The following MLLT6 variants were observed in gnomAD, a reference collection of about 807,000 sequenced individuals.
MLLT6 encodes protein AF-17.
Under a neutral mutation model 103.0 loss-of-function variants are expected in MLLT6, and 22 were observed. The ratio of observed to expected loss-of-function variants is 0.21; its 90% CI spans 0.15 to 0.31. MLLT6 has a LOEUF of 0.31. Ranked by LOEUF, MLLT6 falls within the 10% of genes least tolerant of loss-of-function variation. MLLT6 has a pLI of 1.00. For synonymous variants in MLLT6, 606 were observed against 623.5 expected (o/e 0.97, Z 0.42); for missense variants, 1,199 against 1,441.7 (o/e 0.83, Z 2.73).
In MLLT6 at chr17:38,724,589, T is replaced by C. The variant is rs752636535; in HGVS notation, c.2884-31T>C. 8 of 1,528,026 alleles carry C rather than the reference T, an allele frequency of 5.2e-6. No homozygotes were observed. In the South Asian group the frequency reaches 1.0e-4, roughly 19 times the overall value. The allele number at this position is 1,528,026 out of a possible 1,614,324, so 94.7% of individuals were successfully genotyped here. On this transcript the variant is annotated intron_variant, in intron 18 of 19. Coordinates refer to ENST00000621332, the MANE Select transcript of MLLT6 (RefSeq NM_005937.4). This position sits in a 1 kb window ranked among gnomAD's most constrained non-coding sequence, Gnocchi z 5.4. ...AGCAGGGAAGAGACCCCCGGGACTG[T>C]TGGCCAACAAGCGGTCTGGCCCCCT...
chr17:38,724,505 C>G lies in MLLT6; in HGVS notation c.2884-115C>G. 1 of 738,638 alleles carries G rather than the reference C, an allele frequency of 1.4e-6. No homozygotes were observed. Among genetic ancestry groups the G allele is most frequent in the Non-Finnish European group, 2.2e-6 (1 of 451,654 alleles). 45.8% of individuals were successfully genotyped at this position (738,638 alleles called of 1,614,324 possible). The stretch of plus-strand genomic sequence containing the variant: ...ACAGTACCTTGACTGTCTCACAGGC[C>G]TCTTGCCTCCTGATTCCAGTGTGAT... On this transcript the variant is annotated intron_variant, in intron 18 of 19. Coordinates refer to ENST00000621332, the MANE Select transcript of MLLT6 (RefSeq NM_005937.4). The surrounding 1 kb of genome is among the most constrained non-coding windows in gnomAD (Gnocchi z 5.4).
At chr17:38,719,928 C>G in intron 14 of MLLT6, 33 bp downstream of exon 14, 1 of 1,536,642 alleles carries the variant, frequency 6.5e-7, no homozygotes, top group Non-Finnish European at 8.8e-7. Context: ...GGGACGCCTG[C>G]CCTAGGGCCC....
chr17:38,716,583 G>C lies in MLLT6; in HGVS notation c.1253G>C (p.Arg418Pro), dbSNP rs761658702. ...TCCACCACCACCTCCAGCTCAGGCC[G>C]GGCCCGGGCGCCCTCCCCTGGGGAC... ...RFSTTTSSSG[R>P]ARAPSPGDYK... Residue 418 changes from arginine (R) to proline (P), a missense_variant, in exon 10 of 20, where the codon CGG becomes CCG. Coordinates refer to ENST00000621332, the MANE Select transcript of MLLT6 (RefSeq NM_005937.4). This position sits in a 1 kb window ranked among gnomAD's most constrained non-coding sequence, Gnocchi z 5.6. 5 of 1,614,046 alleles carry C rather than the reference G, an allele frequency of 3.1e-6. No homozygotes were observed. The highest frequency in any genetic ancestry group is 2.5e-6 in the Non-Finnish European group (3 of 1,180,028).
At chr17:38,725,315 C>T (rs1219496424) in intron 19 of MLLT6, 1 of 548,974 alleles carries the variant, frequency 1.8e-6, no homozygotes, top group Non-Finnish European at 3.2e-6. Context: ...GGCCCTCTCC[C>T]TCTCCTGAGG....
intron 3 of MLLT6, 86 bp downstream of exon 3, chr17:38,707,626 C>G: frequency 2.1e-6 from 3 of 1,439,242 alleles, no homozygotes. Context: ...GGGTGGAGGC[C>G]GGGTTTCCTT....
chr17:38,723,265 T>C (rs1905856674), intron 18 of MLLT6, among the ~76,000 whole-genome samples: 1 of 152,158 alleles, frequency 6.6e-6, no homozygotes, highest in African/African-American at 2.4e-5. Flanking sequence ...CACGGAAGAC[T>C]GAGGCAGGCA....
chr17:38,722,716 A>T lies in MLLT6; in HGVS notation c.2831A>T (p.Glu944Val). The change falls in exon 18 of 20, where the codon GAG becomes GTG. Residue 944 changes from glutamate to valine, a missense_variant. Physicochemically the swap from Glu to Val is moderately radical, Grantham distance 121 (BLOSUM62 -2). Transcript: ENST00000621332. ...EQQRHLLQQQ[E>V]QQLQQLQQLL... is the part of the protein sequence containing the mutation. ...CAGAGACATCTCCTTCAGCAGCAAG[A>T]GCAGCAGCTCCAGCAACTCCAGCAG... 6.7e-7 allele frequency: 1 copy of T among 1,487,548 alleles called. No homozygotes were observed. The highest frequency in any genetic ancestry group is 9.1e-7 in the Non-Finnish European group (1 of 1,100,936). The allele number at this position is 1,487,548 out of a possible 1,614,324, so 92.1% of individuals were successfully genotyped here.
Position 38,715,794 on chromosome 17 carries a change from T to C in MLLT6, c.1002T>C (p.Ser334=), listed in dbSNP as rs1483785143. ...CCGCCTCCTCTTCTTCCTCCTCCTC[T>C]TCCTCCTCCTCTGGGGGGCCCTTCC... ...FTSASSSSSS[S]SSSSGGPFQP... is the part of the protein sequence containing the mutation. The change falls in exon 9 of 20, where the codon TCT becomes TCC. Residue 334 remains serine (S), a synonymous_variant. Transcript: ENST00000621332. The C allele has an allele frequency of 1.2e-6, 2 of 1,607,238 alleles. No homozygotes were observed. Among genetic ancestry groups the C allele is most frequent in the African/African-American group, 2.7e-5 (2 of 74,822 alleles).
intron 19 of MLLT6, 62 bp downstream of exon 19, chr17:38,725,038 C>T: frequency 1.7e-6 from 2 of 1,206,612 alleles, no homozygotes; most frequent in Non-Finnish European, 2.3e-6. Context: ...GATGGATTGT[C>T]AGAAGGCTTA....
rs369528342 is a variant in MLLT6 at position 38,721,913 on chromosome 17, G to A, written c.2478G>A (p.Ser826=). Residue 826 remains serine (S), a synonymous_variant, in exon 17 of 20, where the codon TCG becomes TCA. Transcript: ENST00000621332. ...CAGGCTGCCCGAGCCGCAGCAGCTC[G>A]TCGCTGTCCTTCCACAGCACGCCCC... ...PHSGCPSRSS[S]SLSFHSTPPP... 43 of 1,573,872 alleles carry A rather than the reference G, an allele frequency of 2.7e-5. No homozygotes were observed. Among genetic ancestry groups the A allele is most frequent in the South Asian group, 1.5e-4 (13 of 87,728 alleles).
rs369195696 is a variant in MLLT6 at position 38,712,929 on chromosome 17, C to G, written c.819+140C>G. 501 of 751,036 alleles carry G rather than the reference C, an allele frequency of 6.7e-4. 1 individual carries two copies. The highest frequency in any genetic ancestry group is 9.4e-4 in the Non-Finnish European group (379 of 401,058). The allele number at this position is 751,036 out of a possible 1,614,324, so 46.5% of individuals were successfully genotyped here. ...AGTTAATGCCACTCCCCTCCTACCCCATACCCTCTACTCCTTCTTCCAGCC... is the reference window on the plus strand; with the variant it reads ...AGTTAATGCCACTCCCCTCCTACCCGATACCCTCTACTCCTTCTTCCAGCC... On this transcript the variant is annotated intron_variant, in intron 8 of 19. Coordinates refer to ENST00000621332, the MANE Select transcript of MLLT6 (RefSeq NM_005937.4).
intron 14 of MLLT6, 151 bp downstream of exon 14, chr17:38,720,046 G>A (rs1021808221): frequency 3.4e-6 from 4 of 1,165,164 alleles, no homozygotes; most frequent in Admixed American, 2.8e-5. Flanking sequence ...TCCCATCCCT[G>A]CCAGGCCACA....
chr17:38,717,778 C>A, intron 11 of MLLT6, 67 bp from the exon 12 acceptor site: 1 of 1,444,508 alleles, frequency 6.9e-7, no homozygotes, highest in Non-Finnish European at 9.7e-7. Flanking sequence ...CCCCCTGCAC[C>A]CCGGTACACA....
rs1905374339 is a variant in MLLT6, at chr17:38,716,910, T to C, written c.1580T>C (p.Leu527Pro). 2.5e-6 allele frequency: 4 copies of C among 1,613,740 alleles called. No individual in the cohort carries two copies. The highest frequency in any genetic ancestry group is 1.3e-5 in the African/African-American group (1 of 74,922). The change falls in exon 10 of 20, where the codon CTG becomes CCG. Residue 527 changes from leucine to proline, a missense_variant. Physicochemically the swap from Leu to Pro is moderately conservative, Grantham distance 98. This residue lies in a region of MLLT6 where 1,034 missense variants were observed against 1,091.5 expected (regional missense o/e 0.95). Coordinates refer to ENST00000621332, the MANE Select transcript of MLLT6 (RefSeq NM_005937.4). The surrounding 1 kb of genome is among the most constrained non-coding windows in gnomAD (Gnocchi z 5.6). ...GSLVSSGLGG[L>P]SSRTFGPSGS... ...CTGGTCAGCTCCGGCCTGGGAGGTC[T>C]GTCCTCCCGAACCTTTGGGCCTTCT...
intron 9 of MLLT6, 134 bp downstream of exon 9, chr17:38,715,962 C>A: frequency 1.2e-6 from 1 of 822,534 alleles, no homozygotes; most frequent in Non-Finnish European, 1.9e-6. Flanking sequence ...GATGGGGAAT[C>A]CCCTCCTCTC....
In MLLT6 at chr17:38,718,054, C is replaced by T. The variant is rs914835374; in HGVS notation, c.1942+101C>T. ...AGAATGGGAGAGCTTTCTGGCTGCC[C>T]CCTCCCTCTGGCCATTGCCCTCCCT... On this transcript the variant is annotated intron_variant, in intron 12 of 19. Coordinates refer to ENST00000621332, the MANE Select transcript of MLLT6 (RefSeq NM_005937.4). 12 of 833,860 alleles carry T rather than the reference C, an allele frequency of 1.4e-5. No homozygotes were observed. In the African/African-American group the frequency reaches 2.0e-4, roughly 14 times the overall value. 51.7% of individuals were successfully genotyped at this position (833,860 alleles called of 1,614,324 possible).
Position 38,727,064 on chromosome 17 carries a change from C to T in MLLT6, c.*1466C>T, listed in dbSNP as rs866937457. Reference sequence around the variant, plus strand: ...AGGGGTTTCCAGCTTCCCCAGGCTCCGGCCTTGTCAGTCTCTTTGCATGTG... The same window carrying T: ...AGGGGTTTCCAGCTTCCCCAGGCTCTGGCCTTGTCAGTCTCTTTGCATGTG... On this transcript the variant is annotated 3_prime_UTR_variant, in exon 20 of 20. Transcript: ENST00000621332. 40 of 233,010 alleles carry T rather than the reference C, an allele frequency of 1.7e-4. No homozygotes were observed. The Middle Eastern group carries it at 0.012, about 67-fold the overall frequency. 14.4% of individuals were successfully genotyped at this position (233,010 alleles called of 1,614,324 possible).
chr17:38,712,200 C>T, intron 7 of MLLT6, 186 bp downstream of exon 7: 2 of 817,958 alleles, frequency 2.4e-6, no homozygotes, highest in Non-Finnish European at 3.0e-6. Flanking sequence ...AGCTTGGCTT[C>T]CCTGTGGCTG....
Position 38,729,041 on chromosome 17 carries a change from C to T in MLLT6, c.*3443C>T. ...ATACTGAGTTCTAGGGAGGTGCTCACCCCAGACTCTTAGGAAGGGTCTAGA... is the reference window on the plus strand; with the variant it reads ...ATACTGAGTTCTAGGGAGGTGCTCATCCCAGACTCTTAGGAAGGGTCTAGA... On this transcript the variant is annotated 3_prime_UTR_variant, in exon 20 of 20. Transcript: ENST00000621332. 1 of 233,592 alleles carries T rather than the reference C, an allele frequency of 4.3e-6. No homozygotes were observed. Among genetic ancestry groups the T allele is most frequent in the African/African-American group, 2.2e-5 (1 of 45,446 alleles). 14.5% of individuals were successfully genotyped at this position (233,592 alleles called of 1,614,324 possible).
Sources: gnomAD v4.1 joint callset for allele counts (sites outside exome capture counted in the v4.1 genomes callset) on GRCh38, gnomAD v4.1.1 for gene constraint, gnomAD v4.1.1 regional missense constraint, Gnocchi (gnomAD v3.1) non-coding constraint, MANE v1.5 for transcripts, NCBI Gene and HGNC (gene_info 2026-07-23, HGNC 2026-07-21) for gene names.